The following SORL1 variants were observed in gnomAD, a reference collection of about 807,000 sequenced individuals.
SORL1 encodes the protein sortilin-related receptor.
SORL1 carries 127 observed loss-of-function variants against 273.7 expected under a neutral mutation model. The observed-to-expected ratio is 0.46, with a 90% confidence interval of 0.40 to 0.54. The LOEUF is 0.54. Ranked by LOEUF, SORL1 falls within the 20% of genes least tolerant of loss-of-function variation. The pLI, the probability that SORL1 is intolerant of heterozygous loss-of-function variation, is 0.00. For synonymous variants in SORL1, 1,031 were observed against 1,067.4 expected, an observed-to-expected ratio of 0.97 and a Z score of 0.66; for missense variants, 2,494 against 2,846.1, an observed-to-expected ratio of 0.88 and a Z score of 2.81.
intron 6 of SORL1, among the ~76,000 whole-genome samples, chr11:121,500,127 AG>A (rs1431748587): frequency 1.3e-5 from 2 of 152,254 alleles, no homozygotes; most frequent in Non-Finnish European, 2.9e-5. Flanking sequence ...TCAAAATGAT[AG>A]GGCCATTAAA....
intron 11 of SORL1, 110 bp from the exon 12 acceptor site, chr11:121,532,354 A>T: frequency 6.8e-6 from 6 of 887,064 alleles, no homozygotes; most frequent in Non-Finnish European, 1.1e-5. Context: ...AGTGGTTGTC[A>T]TTGCTGTTAT....
At chr11:121,510,541 A>G (rs530860034) in intron 6 of SORL1, among the ~76,000 whole-genome samples, 46 of 152,238 alleles carry the variant, frequency 3.0e-4, no homozygotes, top group Non-Finnish European at 6.6e-4. Context: ...GACAGCAAGT[A>G]GGACCTCTTC....
chr11:121,457,818 C>G (rs565352459), intron 1 of SORL1, among the ~76,000 whole-genome samples: 28 of 152,324 alleles, frequency 1.8e-4, no homozygotes, highest in African/African-American at 6.0e-4. Context: ...AATTTGTGTT[C>G]TGTCTGAGAA....
chr11:121,454,915 G>A (rs1209881486), intron 1 of SORL1, among the ~76,000 whole-genome samples: 1 of 152,134 alleles, frequency 6.6e-6, no homozygotes, highest in Non-Finnish European at 1.5e-5. Context: ...GTTGTCTCTG[G>A]TGGTTATGAA....
rs191539816 is a variant in SORL1, at chr11:121,563,237, T to C, written c.3049+3580T>C. ...CCACCCGGCTCTGCTCCCTCTGTCA[T>C]GTGTTGCTAGAATAGCAGTGCCCTG... On this transcript the variant is annotated intron_variant, in intron 21 of 47. Transcript: ENST00000260197. This position sits in a 1 kb window ranked among gnomAD's most constrained non-coding sequence, Gnocchi z 4.2. Among the ~76,000 whole-genome samples, 14 of 152,308 alleles carry C rather than the reference T, an allele frequency of 9.2e-5. No homozygotes were observed. The highest frequency in any genetic ancestry group is 3.1e-4 in the African/African-American group (13 of 41,562).
chr11:121,605,386 T>C lies in SORL1; in HGVS notation c.4779-16T>C. On this transcript the variant is annotated splice_polypyrimidine_tract_variant and intron_variant, in intron 34 of 47. Transcript: ENST00000260197. ...CTGCTCCAGTGTGACAATATCTTTA[T>C]TTTTTTTTGGGCCAGGGTGGTTGGA... 6.5e-7 allele frequency: 1 copy of C among 1,529,832 alleles called. No homozygotes were observed. The highest frequency in any genetic ancestry group is 1.2e-5 in the South Asian group (1 of 82,612). 94.8% of individuals were successfully genotyped at this position (1,529,832 alleles called of 1,614,324 possible).
At chr11:121,508,781 C>T (rs1861826092) in intron 6 of SORL1, among the ~76,000 whole-genome samples, 1 of 152,202 alleles carries the variant, frequency 6.6e-6, no homozygotes, top group Non-Finnish European at 1.5e-5. Flanking sequence ...GTAAATGTGC[C>T]TTGGATTTTT....
chr11:121,599,975 G>A (rs747589266), intron 32 of SORL1, among the ~76,000 whole-genome samples: 8 of 152,046 alleles, frequency 5.3e-5, no homozygotes, highest in Non-Finnish European at 1.2e-4. Context: ...AATATTTTCT[G>A]ATGCTTTTTA....
rs149723506 is a variant in SORL1, at chr11:121,587,792, G to A, written c.3815-228G>A. On this transcript the variant is annotated intron_variant, in intron 27 of 47. Coordinates refer to ENST00000260197, the MANE Select transcript of SORL1 (RefSeq NM_003105.6). Reference sequence around the variant, plus strand: ...GCTACTGCCCTTGTTTTCTCATTTTGAATTAGCGACAATAAAATCTCTCCT... The same window carrying A: ...GCTACTGCCCTTGTTTTCTCATTTTAAATTAGCGACAATAAAATCTCTCCT... Among the ~76,000 whole-genome samples the A allele has an allele frequency of 3.2e-3, 492 of 152,284 alleles. 1 individual carries two copies. The highest frequency in any genetic ancestry group is 0.017 in the Middle Eastern group (5 of 294).
chr11:121,521,337 A>G (rs1389522146), intron 9 of SORL1, among the ~76,000 whole-genome samples: 1 of 152,216 alleles, frequency 6.6e-6, no homozygotes, highest in Non-Finnish European at 1.5e-5. Flanking sequence ...ATATAGACAA[A>G]TATCTGGGTA....
At chr11:121,514,089 T>C (rs1490280104) in intron 7 of SORL1, 63 bp from the exon 8 acceptor site, 4 of 1,529,870 alleles carry the variant, frequency 2.6e-6, no homozygotes, top group Admixed American at 1.8e-5. Flanking sequence ...TCCGTGTGTA[T>C]AGTAAAAGCC....
chr11:121,458,581 C>T (rs1350787276), intron 1 of SORL1, among the ~76,000 whole-genome samples: 1 of 152,106 alleles, frequency 6.6e-6, no homozygotes, highest in Non-Finnish European at 1.5e-5. Flanking sequence ...TCTAGGTATG[C>T]CAGACACTGT....
intron 12 of SORL1, 81 bp downstream of exon 12, chr11:121,532,633 C>CAACAACA: frequency 8.4e-7 from 1 of 1,193,220 alleles, no homozygotes; most frequent in Non-Finnish European, 1.2e-6. Flanking sequence ...GATTATCTCT[C>CAACAACA]TATAGCACTA....
Position 121,612,800 on chromosome 11 carries a change from T to TGAAC in SORL1, c.5388_5391dup (p.Phe1798GlufsTer21). The TGAAC allele has an allele frequency of 6.2e-7, 1 of 1,614,092 alleles. No individual in the cohort carries two copies. The highest frequency in any genetic ancestry group is 8.5e-7 in the Non-Finnish European group (1 of 1,179,930). On this transcript the variant is annotated frameshift_variant, in exon 40 of 48. Transcript: ENST00000260197. LOFTEE classifies it high-confidence loss of function. ...ACCCACAAGCAAGAGAGGAGAACTT[T>TGAAC]GAACTTCCGAGGAAGCATATTGTCA... is the stretch of plus-strand genomic sequence containing the variant.
chr11:121,514,470 A>T, intron 8 of SORL1, 149 bp downstream of exon 8: 1 of 756,284 alleles, frequency 1.3e-6, no homozygotes, highest in Non-Finnish European at 2.1e-6. Flanking sequence ...GTGCGCAGAG[A>T]TCACCATGGG....
At chr11:121,619,976 G>T in intron 43 of SORL1, 59 bp downstream of exon 43, 1 of 1,323,384 alleles carries the variant, frequency 7.6e-7, no homozygotes, top group South Asian at 1.2e-5. Flanking sequence ...AGGGTGGGGT[G>T]GGATGGAAGG....
rs187136782 is a variant in SORL1, at chr11:121,454,827, T to C, written c.285+2211T>C. ...GCCCCTCTTGGAACTCTGGAGTAAC[T>C]AACATCTATTTGGAATGATCTTTCT... is the stretch of plus-strand genomic sequence containing the variant. On this transcript the variant is annotated intron_variant, in intron 1 of 47. Transcript: ENST00000260197. 2.0e-4 allele frequency among the ~76,000 whole-genome samples: 31 copies of C among 152,310 alleles called. No homozygotes were observed. In the East Asian group the frequency reaches 5.8e-3, roughly 28 times the overall value.
intron 14 of SORL1, among the ~76,000 whole-genome samples, chr11:121,549,711 A>C (rs1240878346): frequency 1.4e-5 from 2 of 144,208 alleles, no homozygotes; most frequent in Admixed American, 1.5e-4. Flanking sequence ...TACTGTTTTG[A>C]TTTGGCATGA....
At position 121,595,742 on chromosome 11, in the gene SORL1, T is replaced by A; in HGVS notation, c.4489T>A (p.Cys1497Ser). Residue 1497 changes from cysteine to serine, a missense_variant, in exon 32 of 48, where the codon TGC (cysteine) becomes AGC (serine). This residue lies in a region of SORL1 where 1,609 missense variants were observed against 1,816.4 expected (regional missense o/e 0.89). Transcript: ENST00000260197. This position sits in a 1 kb window ranked among gnomAD's most constrained non-coding sequence, Gnocchi z 5.1. ...NWKRCDGHQD[C>S]QDGRDEANCP... is the part of the protein sequence containing the mutation. ...GAAGCGCTGTGACGGCCACCAAGATTGCCAGGATGGCCGGGACGAGGCCAA... is the reference window on the plus strand; with the variant it reads ...GAAGCGCTGTGACGGCCACCAAGATAGCCAGGATGGCCGGGACGAGGCCAA... The A allele has an allele frequency of 6.2e-7, 1 of 1,613,834 alleles. No individual in the cohort carries two copies. Among genetic ancestry groups the A allele is most frequent in the Non-Finnish European group, 8.5e-7 (1 of 1,180,030 alleles).
Sources: gnomAD v4.1 joint callset for allele counts (sites outside exome capture counted in the v4.1 genomes callset) on GRCh38, gnomAD v4.1.1 for gene constraint, gnomAD v4.1.1 regional missense constraint, Gnocchi (gnomAD v3.1) non-coding constraint, MANE v1.5 for transcripts, NCBI Gene and HGNC (gene_info 2026-07-23, HGNC 2026-07-21) for gene names.